The following USP25 variants were observed in gnomAD, a reference collection of about 807,000 sequenced individuals.
USP25 encodes ubiquitin carboxyl-terminal hydrolase 25.
A neutral mutation model predicts 158.5 loss-of-function variants in USP25; 85 were observed. That is an observed-to-expected ratio of 0.54 (90% confidence interval 0.45 to 0.64). The LOEUF is 0.64. USP25 is among the 30% of genes least tolerant of loss of function. The probability of loss-of-function intolerance (pLI) is 0.00; values close to 1 mark genes in which losing one functional copy is unlikely to be tolerated. For missense variants in USP25, 1,242 were observed against 1,327.3 expected (o/e 0.94, Z 1.00); for synonymous variants, 464 against 460.4 (o/e 1.01, Z -0.10).
chr21:15,776,140 A>G (rs192439948), intron 3 of USP25, among the ~76,000 whole-genome samples: 111 of 151,894 alleles, frequency 7.3e-4, no homozygotes, highest in Middle Eastern at 3.4e-3. Context: ...TCTGGGTTAC[A>G]CTCATCTTCA....
chr21:15,839,901 A>T lies in USP25; in HGVS notation c.2195-2497A>T, dbSNP rs539401486. 6.6e-5 allele frequency among the ~76,000 whole-genome samples: 10 copies of T among 151,884 alleles called. No homozygotes were observed. In the East Asian group the frequency reaches 1.6e-3, roughly 24 times the overall value. ...GTTCTTTTATCTTTAGTGTTCATGA[A>T]TTTTTTCATATTCTTTAAGATCTTC... On this transcript the variant is annotated intron_variant, in intron 17 of 25. Coordinates refer to ENST00000400183, the MANE Select transcript of USP25 (RefSeq NM_001283041.3).
In USP25 at chr21:15,833,473, C is replaced by G; in HGVS notation, c.2119C>G (p.Leu707Val). 1 of 1,614,102 alleles carries G rather than the reference C, an allele frequency of 6.2e-7. No homozygotes were observed. The highest frequency in any genetic ancestry group is 8.5e-7 in the Non-Finnish European group (1 of 1,179,998). ...AGAACTAGAAGAATGGGATGCACAA[C>G]TTGCCCAGAAAGCTTTGCAGGAAAA... ...EKELEEWDAQ[L>V]AQKALQEKLL... The change falls in exon 17 of 26, where the codon CTT becomes GTT. Residue 707 changes from leucine (L) to valine (V), a missense_variant. Coordinates refer to ENST00000400183, the MANE Select transcript of USP25 (RefSeq NM_001283041.3).
chr21:15,798,215 A>G (rs182751246), intron 5 of USP25, among the ~76,000 whole-genome samples: 361 of 151,266 alleles, frequency 2.4e-3, no homozygotes, highest in African/African-American at 8.3e-3. Context: ...ACCTTTCATG[A>G]TATTGCTAAT....
intron 5 of USP25, among the ~76,000 whole-genome samples, chr21:15,796,350 A>T (rs1161034650): frequency 2.0e-5 from 3 of 151,512 alleles, no homozygotes; most frequent in Non-Finnish European, 3.0e-5. Context: ...GTTTTGCTGG[A>T]TTCCAAAACA....
intron 1 of USP25, among the ~76,000 whole-genome samples, chr21:15,730,979 T>TTTG: frequency 8.9e-6 from 1 of 112,634 alleles, no homozygotes; most frequent in Non-Finnish European, 1.7e-5. Flanking sequence ...CTTTTCTGTT[T>TTTG]TTTTTTTTTT....
chr21:15,859,511 C>G (rs2039321370), intron 20 of USP25, among the ~76,000 whole-genome samples: 1 of 152,010 alleles, frequency 6.6e-6, no homozygotes, highest in African/African-American at 2.4e-5. Flanking sequence ...TCTTGTTTTT[C>G]TGGCTCTGTG....
At chr21:15,795,880 A>AT (rs1021240915) in intron 5 of USP25, among the ~76,000 whole-genome samples, 160 of 150,824 alleles carry the variant, frequency 1.1e-3, no homozygotes, top group Non-Finnish European at 1.4e-3. Flanking sequence ...TACCATGCTA[A>AT]TTTTTTTTTA....
At chr21:15,750,663 G>A (rs56336311) in intron 1 of USP25, among the ~76,000 whole-genome samples, 8 of 151,372 alleles carry the variant, frequency 5.3e-5, no homozygotes, top group African/African-American at 1.9e-4. Flanking sequence ...CTGGAGTGCC[G>A]TGGCGTGATC....
chr21:15,852,150 C>T (rs1418287840), intron 20 of USP25, among the ~76,000 whole-genome samples: 6 of 152,100 alleles, frequency 3.9e-5, no homozygotes, highest in African/African-American at 1.2e-4. Flanking sequence ...TGACGTTTTA[C>T]TCATAGCATA....
At chr21:15,779,052 G>A (rs547729511) in intron 4 of USP25, among the ~76,000 whole-genome samples, 2 of 152,088 alleles carry the variant, frequency 1.3e-5, no homozygotes, top group African/African-American at 2.4e-5. Context: ...TTTAGCAAAG[G>A]CATATAATTT....
intron 5 of USP25, among the ~76,000 whole-genome samples, chr21:15,795,865 T>C (rs893509419): frequency 2.6e-5 from 4 of 151,522 alleles, no homozygotes; most frequent in African/African-American, 7.3e-5. Flanking sequence ...ATGAAACTTA[T>C]GTGATACCAT....
rs1439644779 is a variant in USP25, at chr21:15,854,182, G to T, written c.2547+4310G>T. Among the ~76,000 whole-genome samples the T allele has an allele frequency of 2.0e-5, 3 of 152,198 alleles. No individual in the cohort carries two copies. The East Asian group carries it at 5.8e-4, about 29-fold the overall frequency. On this transcript the variant is annotated intron_variant, in intron 20 of 25. Coordinates refer to ENST00000400183, the MANE Select transcript of USP25 (RefSeq NM_001283041.3). ...TTTGTTTGAGGCAAAGTCTCACTCT[G>T]TCGCCCAGGCTGGAGTGCAGTGGTG...
At chr21:15,840,957 C>T (rs996996159) in intron 17 of USP25, among the ~76,000 whole-genome samples, 1 of 152,166 alleles carries the variant, frequency 6.6e-6, no homozygotes, top group Non-Finnish European at 1.5e-5. Context: ...TGAAGTCTTC[C>T]AGAAGCAGAA....
rs1470232831 is a variant in USP25 at position 15,826,691 on chromosome 21, G to A, written c.1467-286G>A. On this transcript the variant is annotated intron_variant, in intron 13 of 25. Coordinates refer to ENST00000400183, the MANE Select transcript of USP25 (RefSeq NM_001283041.3). This position sits in a 1 kb window ranked among gnomAD's most constrained non-coding sequence, Gnocchi z 4.8. ...TCAAATTAGAATTTGTTTCTGTAATGTAAGCTGATAAGCCAGGGAAAATAA... is the reference window on the plus strand; with the variant it reads ...TCAAATTAGAATTTGTTTCTGTAATATAAGCTGATAAGCCAGGGAAAATAA... Among the ~76,000 whole-genome samples, 3 of 152,124 alleles carry A rather than the reference G, an allele frequency of 2.0e-5. No individual in the cohort carries two copies. Among genetic ancestry groups the A allele is most frequent in the African/African-American group, 7.2e-5 (3 of 41,428 alleles).
intron 18 of USP25, among the ~76,000 whole-genome samples, chr21:15,844,775 C>A (rs1262076778): frequency 6.6e-6 from 1 of 152,044 alleles, no homozygotes; most frequent in Non-Finnish European, 1.5e-5. Context: ...GTATTTATTT[C>A]ACTTTTATTT....
At chr21:15,779,999 CAG>C (rs1336435042) in intron 4 of USP25, among the ~76,000 whole-genome samples, 1 of 152,022 alleles carries the variant, frequency 6.6e-6, no homozygotes, top group Non-Finnish European at 1.5e-5. Flanking sequence ...TAAACATTAT[CAG>C]AGATATATTT....
chr21:15,831,409 T>C lies in USP25; in HGVS notation c.1773T>C (p.Tyr591=), dbSNP rs770560446. The change falls in exon 16 of 26, where the codon TAT becomes TAC. Residue 591 remains tyrosine (Y), a synonymous_variant. Coordinates refer to ENST00000400183, the MANE Select transcript of USP25 (RefSeq NM_001283041.3). ...YSDKSMIQVP[Y]RLHAVLVHEG... ...CTTTTTTTCACATTTAGGTTCCTTA[T>C]CGATTACATGCCGTTTTAGTTCACG... 2 of 1,614,006 alleles carry C rather than the reference T, an allele frequency of 1.2e-6. No individual in the cohort carries two copies. The highest frequency in any genetic ancestry group is 2.2e-5 in the South Asian group (2 of 91,078).
chr21:15,754,077 AT>A (rs200239144), intron 1 of USP25, among the ~76,000 whole-genome samples: 19 of 151,990 alleles, frequency 1.3e-4, no homozygotes, highest in African/African-American at 4.1e-4. Context: ...TTAAAAATGG[AT>A]TTTTTTTCAC....
chr21:15,878,538 G>T lies in USP25; in HGVS notation c.*63G>T. The T allele has an allele frequency of 6.7e-7, 1 of 1,503,560 alleles. No homozygotes were observed. The highest frequency in any genetic ancestry group is 8.9e-7 in the Non-Finnish European group (1 of 1,119,966). 93.1% of individuals were successfully genotyped at this position (1,503,560 alleles called of 1,614,324 possible). A position where few individuals can be genotyped will look rare whatever the true frequency, so the allele number is the denominator to read the frequency against. On this transcript the variant is annotated 3_prime_UTR_variant, in exon 26 of 26. Transcript: ENST00000400183. ...TTTAGTTCTTAACCCTTGCCTTCCTGTCACAGGGTTTGCTTGTTGCTGCTA... is the reference window on the plus strand; with the variant it reads ...TTTAGTTCTTAACCCTTGCCTTCCTTTCACAGGGTTTGCTTGTTGCTGCTA...
Sources: gnomAD v4.1 joint callset for allele counts (sites outside exome capture counted in the v4.1 genomes callset) on GRCh38, gnomAD v4.1.1 for gene constraint, Gnocchi (gnomAD v3.1) non-coding constraint, MANE v1.5 for transcripts, NCBI Gene and HGNC (gene_info 2026-07-23, HGNC 2026-07-21) for gene names.